Variants in NTM observed in about 807,000 individuals in gnomAD.
NTM encodes neurotrimin.
Under a neutral mutation model 42.1 loss-of-function variants are expected in NTM, and 13 were observed. The ratio of observed to expected loss-of-function variants is 0.31; its 90% CI spans 0.20 to 0.49. The LOEUF (loss-of-function observed/expected upper bound fraction) is 0.49, where lower values mean the gene tolerates loss of function less well. Ranked by LOEUF, NTM falls within the 20% of genes least tolerant of loss-of-function variation. The probability of loss-of-function intolerance (pLI) is 0.99; values close to 1 mark genes in which losing one functional copy is unlikely to be tolerated. For synonymous variants in NTM, 187 were observed against 179.2 expected, an observed-to-expected ratio of 1.04 and a Z score of -0.35; for missense variants, 373 against 452.8, an observed-to-expected ratio of 0.82 and a Z score of 1.60.
intron 1 of NTM, among the ~76,000 whole-genome samples, chr11:131,703,122 T>C (rs1307586161): frequency 6.6e-6 from 1 of 152,172 alleles, no homozygotes; most frequent in African/African-American, 2.4e-5. Context: ...TTGAGTTAGA[T>C]AGGAGGAATA....
chr11:131,949,212 A>G (rs2060707986), intron 2 of NTM, among the ~76,000 whole-genome samples: 1 of 152,206 alleles, frequency 6.6e-6, no homozygotes. Context: ...TACATGCATT[A>G]GTGTATATTA....
chr11:131,893,719 C>T (rs1398201950), intron 1 of NTM, among the ~76,000 whole-genome samples: 1 of 152,154 alleles, frequency 6.6e-6, no homozygotes, highest in Non-Finnish European at 1.5e-5. Context: ...AAAGTGAGGG[C>T]ATCAAGGAAG....
chr11:131,957,824 T>G (rs2061712023), intron 2 of NTM, among the ~76,000 whole-genome samples: 2 of 148,962 alleles, frequency 1.3e-5, no homozygotes, highest in African/African-American at 4.9e-5. Context: ...AGTCAGGGAA[T>G]TTTTCGAAGG....
chr11:131,930,514 T>A (rs974190676), intron 2 of NTM, among the ~76,000 whole-genome samples: 9 of 152,254 alleles, frequency 5.9e-5, no homozygotes, highest in African/African-American at 2.2e-4. Context: ...AAATATTTTA[T>A]ATACCAGCAT....
rs1215455148 is a variant in NTM, at chr11:131,878,584, AAAAAAAAAAAATATATATATATATATAT to A, written c.83-32978_83-32951del. Among the ~76,000 whole-genome samples the A allele has an allele frequency of 5.9e-5, 3 of 50,760 alleles. 1 individual carries two copies. Among genetic ancestry groups the A allele is most frequent in the Non-Finnish European group, 1.1e-4 (3 of 27,964 alleles). The allele number at this position is 50,760 out of a possible 152,430, so 33.3% of individuals were successfully genotyped here. A position where few individuals can be genotyped will look rare whatever the true frequency, so the allele number is the denominator to read the frequency against. The stretch of plus-strand genomic sequence containing the variant: ...GACTCCATCTCAAAAAAAAAAAAAA[AAAAAAAAAAAATATATATATATATATAT>A]ATATATATATATATATATATATATA... On this transcript the variant is annotated intron_variant, in intron 1 of 8. Transcript: ENST00000683400.
At chr11:131,935,015 C>T (rs565180982) in intron 2 of NTM, among the ~76,000 whole-genome samples, 75 of 152,240 alleles carry the variant, frequency 4.9e-4, no homozygotes, top group Non-Finnish European at 9.4e-4. Flanking sequence ...CAGAAGTGGA[C>T]ACTGCAGTAT....
chr11:132,174,825 C>T (rs1336795358), intron 3 of NTM, among the ~76,000 whole-genome samples: 2 of 152,078 alleles, frequency 1.3e-5, no homozygotes, highest in African/African-American at 4.8e-5. Flanking sequence ...TTTTGAAATG[C>T]TTCACGTCTG....
intron 1 of NTM, among the ~76,000 whole-genome samples, chr11:131,842,763 C>T (rs947448529): frequency 1.3e-5 from 2 of 152,136 alleles, no homozygotes; most frequent in Non-Finnish European, 2.9e-5. Flanking sequence ...ATAATCCCAG[C>T]ATTTTGGGAG....
intron 1 of NTM, among the ~76,000 whole-genome samples, chr11:131,830,521 T>C (rs1312588239): frequency 6.6e-6 from 1 of 152,138 alleles, no homozygotes; most frequent in Non-Finnish European, 1.5e-5. Context: ...GTTCCATTGG[T>C]CTATATGTCT....
intron 1 of NTM, among the ~76,000 whole-genome samples, chr11:131,504,101 A>C (rs7114002): frequency 0.013 from 1,953 of 152,144 alleles, 48 homozygotes; most frequent in African/African-American, 0.044. Flanking sequence ...CCCTGGCCCC[A>C]CCAGCTTCCT....
At chr11:132,267,092 A>G (rs1029833161) in intron 4 of NTM, among the ~76,000 whole-genome samples, 5 of 152,182 alleles carry the variant, frequency 3.3e-5, no homozygotes, top group Non-Finnish European at 7.3e-5. Context: ...TAATAAGGAC[A>G]AGCAGTATCT....
chr11:132,103,203 A>T (rs1376034593), intron 2 of NTM, among the ~76,000 whole-genome samples: 1 of 152,208 alleles, frequency 6.6e-6, no homozygotes, highest in Non-Finnish European at 1.5e-5. Flanking sequence ...CTTATGTAAG[A>T]CAGATTGGAC....
chr11:131,453,300 A>C (rs1467638771), intron 1 of NTM, among the ~76,000 whole-genome samples: 1 of 152,140 alleles, frequency 6.6e-6, no homozygotes, highest in African/African-American at 2.4e-5. Context: ...AACCTCTGCA[A>C]CTTCCCCGTA....
At chr11:131,682,824 C>T (rs2073193897) in intron 1 of NTM, among the ~76,000 whole-genome samples, 1 of 152,174 alleles carries the variant, frequency 6.6e-6, no homozygotes, top group South Asian at 2.1e-4. Flanking sequence ...AGGGGCCGAC[C>T]CAGTACCTAC....
chr11:131,884,450 A>T (rs957703392), intron 1 of NTM, among the ~76,000 whole-genome samples: 3 of 152,172 alleles, frequency 2.0e-5, no homozygotes, highest in Admixed American at 6.5e-5. Context: ...CAGCAACACT[A>T]AAAAGTTAGA....
chr11:131,833,776 T>C (rs1216236398), intron 1 of NTM, among the ~76,000 whole-genome samples: 7 of 152,274 alleles, frequency 4.6e-5, no homozygotes, highest in Admixed American at 3.3e-4. Context: ...TGGTTAAAGA[T>C]GGGGGGATGC....
intron 2 of NTM, among the ~76,000 whole-genome samples, chr11:132,057,168 T>G (rs2079828853): frequency 6.6e-6 from 1 of 152,174 alleles, no homozygotes; most frequent in Non-Finnish European, 1.5e-5. Context: ...TTGAGCTATC[T>G]GATTGTGTGC....
At chr11:131,634,660 AG>A (rs1244674534) in intron 1 of NTM, among the ~76,000 whole-genome samples, 5 of 148,840 alleles carry the variant, frequency 3.4e-5, no homozygotes, top group African/African-American at 1.2e-4. Flanking sequence ...AAAAAGAGTG[AG>A]CTTCTTTAAT....
At chr11:132,004,587 TTCTCTCTCTTTCTCTCTTTC>T (rs2070261885) in intron 2 of NTM, among the ~76,000 whole-genome samples, 1 of 132,188 alleles carries the variant, frequency 7.6e-6, no homozygotes, top group South Asian at 2.4e-4. Context: ...CCAAAGAAGT[TTCTCTCTCTTTCTCTCTTTC>T]TCTCTCTCTC....
Sources: gnomAD v4.1 joint callset for allele counts (sites outside exome capture counted in the v4.1 genomes callset) on GRCh38, gnomAD v4.1.1 for gene constraint, MANE v1.5 for transcripts, NCBI Gene and HGNC (gene_info 2026-07-23, HGNC 2026-07-21) for gene names.